The following ULK4 variants were observed in gnomAD, a reference collection of about 807,000 sequenced individuals.
ULK4 encodes the protein unc-51 like kinase 4.
A neutral mutation model predicts 160.6 loss-of-function variants in ULK4; 133 were observed. The ratio of observed to expected loss-of-function variants is 0.83; its 90% CI spans 0.72 to 0.96. The LOEUF is 0.96. Ranked by LOEUF, ULK4 falls within the 40% of genes least tolerant of loss-of-function variation. The pLI, the probability that ULK4 is intolerant of heterozygous loss-of-function variation, is 0.00. For missense variants in ULK4, 1,580 were observed against 1,499.5 expected (o/e 1.05, Z -0.89); for synonymous variants, 534 against 539.8 (o/e 0.99, Z 0.15).
chr3:41,534,493 A>T lies in ULK4; in HGVS notation c.3226+31532T>A, dbSNP rs949651424. Among the ~76,000 whole-genome samples the T allele has an allele frequency of 4.9e-5, 7 of 142,166 alleles. 1 individual carries two copies. Among genetic ancestry groups the T allele is most frequent in the African/African-American group, 1.9e-4 (7 of 37,638 alleles). 93.3% of individuals were successfully genotyped at this position (142,166 alleles called of 152,430 possible). A position where few individuals can be genotyped will look rare whatever the true frequency, so the allele number is the denominator to read the frequency against. ...TTTTTTATAATTCTCTAAATGTTTC[A>T]TTTAAAAGAGAAAATGTTTAAGCAA... On this transcript the variant is annotated intron_variant, in intron 32 of 36. Coordinates refer to ENST00000301831, the MANE Select transcript of ULK4 (RefSeq NM_017886.4).
intron 16 of ULK4, among the ~76,000 whole-genome samples, chr3:41,885,923 C>T (rs1292085412): frequency 6.6e-6 from 1 of 151,998 alleles, no homozygotes; most frequent in East Asian, 1.9e-4. Context: ...AGTGATCTGC[C>T]CACCTCAAAC....
chr3:41,305,529 T>G (rs1186223560), intron 35 of ULK4, among the ~76,000 whole-genome samples: 18 of 152,290 alleles, frequency 1.2e-4, no homozygotes, highest in Non-Finnish European at 2.5e-4. Flanking sequence ...GTGCTCAATG[T>G]TGCCCAGGCT....
chr3:41,383,049 C>G (rs890474411), intron 35 of ULK4, among the ~76,000 whole-genome samples: 4 of 151,528 alleles, frequency 2.6e-5, no homozygotes, highest in Non-Finnish European at 5.9e-5. Flanking sequence ...TAAAAAATTG[C>G]CATTGCTGTT....
intron 35 of ULK4, among the ~76,000 whole-genome samples, chr3:41,261,653 C>T (rs757565501): frequency 2.0e-5 from 3 of 152,160 alleles, no homozygotes; most frequent in Non-Finnish European, 4.4e-5. Context: ...GCCCTTTGCT[C>T]CCCCAGTCAT....
At position 41,606,264 on chromosome 3, in the gene ULK4, G is replaced by A. The variant is rs549914954; in HGVS notation, c.3120+9405C>T. On this transcript the variant is annotated intron_variant, in intron 31 of 36. Coordinates refer to ENST00000301831, the MANE Select transcript of ULK4 (RefSeq NM_017886.4). ...ACGAAGAGTTAAAATTAATGAAATC[G>A]AAAATTAAAAAAAAGAAAGCAATAA... 7.3e-5 allele frequency among the ~76,000 whole-genome samples: 11 copies of A among 151,714 alleles called. No homozygotes were observed. In the South Asian group the frequency reaches 1.7e-3, roughly 23 times the overall value.
At chr3:41,821,502 T>C (rs547076938) in intron 18 of ULK4, among the ~76,000 whole-genome samples, 47 of 152,348 alleles carry the variant, frequency 3.1e-4, no homozygotes, top group African/African-American at 1.1e-3. Flanking sequence ...CATCTGCTAC[T>C]TCTGCCCAAT....
At chr3:41,365,554 T>C (rs1457923126) in intron 35 of ULK4, among the ~76,000 whole-genome samples, 2 of 152,214 alleles carry the variant, frequency 1.3e-5, no homozygotes, top group Non-Finnish European at 2.9e-5. Flanking sequence ...GCTAAGCACT[T>C]TGCTTACACT....
chr3:41,305,614 G>C (rs530161416), intron 35 of ULK4, among the ~76,000 whole-genome samples: 1,537 of 152,280 alleles, frequency 0.01, 18 homozygotes, highest in African/African-American at 0.035. Flanking sequence ...CCAAAGTGCC[G>C]AGACTGCAGC....
At chr3:41,294,801 C>T (rs1345250463) in intron 35 of ULK4, among the ~76,000 whole-genome samples, 1 of 152,078 alleles carries the variant, frequency 6.6e-6, no homozygotes, top group African/African-American at 2.4e-5. Context: ...TTTAAAAAAA[C>T]CTAAATAAAT....
At chr3:41,784,256 GA>G (rs2039937174) in intron 21 of ULK4, among the ~76,000 whole-genome samples, 3 of 151,826 alleles carry the variant, frequency 2.0e-5, no homozygotes, top group African/African-American at 7.3e-5. Context: ...CCAACATGGA[GA>G]AACCCCATCT....
chr3:41,824,049 G>A (rs6768563), intron 18 of ULK4, among the ~76,000 whole-genome samples: 37,856 of 151,262 alleles, frequency 0.25, 5,818 homozygotes, highest in African/African-American at 0.44. Flanking sequence ...TGAAGTCCAA[G>A]CTACTCAGGA....
At chr3:41,921,554 G>C (rs899969541) in intron 5 of ULK4, among the ~76,000 whole-genome samples, 1 of 152,114 alleles carries the variant, frequency 6.6e-6, no homozygotes, top group Non-Finnish European at 1.5e-5. Flanking sequence ...GGCGGAGTTT[G>C]CAGTGAGCCG....
rs1559645982 is a variant in ULK4 at position 41,912,919 on chromosome 3, T to G, written c.804-20A>C. On this transcript the variant is annotated intron_variant, in intron 8 of 36. Coordinates refer to ENST00000301831, the MANE Select transcript of ULK4 (RefSeq NM_017886.4). Reference sequence around the variant, plus strand: ...GTCAATCTTTAAAAAACATAAATGTTAAAACTCTACTTTAACATGATTTAC... The same window carrying G: ...GTCAATCTTTAAAAAACATAAATGTGAAAACTCTACTTTAACATGATTTAC... The G allele has an allele frequency of 3.7e-6, 6 of 1,610,688 alleles. No homozygotes were observed. Among genetic ancestry groups the G allele is most frequent in the East Asian group, 4.5e-5 (2 of 44,834 alleles).
intron 21 of ULK4, among the ~76,000 whole-genome samples, chr3:41,777,300 G>A (rs2125577971): frequency 1.2e-5 from 1 of 81,762 alleles, no homozygotes; most frequent in South Asian, 4.0e-4. Context: ...GTGTCTATTT[G>A]ATTCTTCTCT....
At chr3:41,748,449 A>G (rs2038497740) in intron 22 of ULK4, among the ~76,000 whole-genome samples, 2 of 152,170 alleles carry the variant, frequency 1.3e-5, no homozygotes, top group South Asian at 4.1e-4. Flanking sequence ...ATATTCTGCC[A>G]TAATACTGTG....
At chr3:41,859,767 C>T (rs2042453762) in intron 17 of ULK4, among the ~76,000 whole-genome samples, 1 of 151,928 alleles carries the variant, frequency 6.6e-6, no homozygotes, top group Non-Finnish European at 1.5e-5. Flanking sequence ...AAGCAATTCT[C>T]CTGCCTTGGC....
chr3:41,468,160 C>A (rs1387085579), intron 32 of ULK4, among the ~76,000 whole-genome samples: 1 of 152,066 alleles, frequency 6.6e-6, no homozygotes, highest in African/African-American at 2.4e-5. Context: ...TTTGATACAA[C>A]AAAGGGACAT....
chr3:41,518,343 G>A (rs1430384382), intron 32 of ULK4, among the ~76,000 whole-genome samples: 7 of 152,080 alleles, frequency 4.6e-5, no homozygotes, highest in African/African-American at 1.7e-4. Context: ...ACTGCTCTTT[G>A]GGGACTCATT....
intron 34 of ULK4, among the ~76,000 whole-genome samples, chr3:41,423,423 A>G (rs2082703804): frequency 6.6e-6 from 1 of 152,230 alleles, no homozygotes; most frequent in South Asian, 2.1e-4. Context: ...GTCAAATCCA[A>G]GACTTGCTAC....
Sources: gnomAD v4.1 joint callset for allele counts (sites outside exome capture counted in the v4.1 genomes callset) on GRCh38, gnomAD v4.1.1 for gene constraint, MANE v1.5 for transcripts, NCBI Gene and HGNC (gene_info 2026-07-23, HGNC 2026-07-21) for gene names.